INPP5F: variants seen among roughly 807,000 people sequenced by gnomAD.
INPP5F encodes the protein inositol polyphosphate-5-phosphatase F.
A neutral mutation model predicts 137.2 loss-of-function variants in INPP5F; 97 were observed. The observed-to-expected ratio is 0.71, with a 90% CI of 0.60 to 0.84. The LOEUF is 0.84. Among genes scored for constraint, INPP5F ranks in the 40% least tolerant of loss-of-function variants. INPP5F has a pLI of 0.00. For synonymous variants in INPP5F, 504 were observed against 476.9 expected, an observed-to-expected ratio of 1.06 and a Z score of -0.74; for missense variants, 1,271 against 1,371.9, an observed-to-expected ratio of 0.93 and a Z score of 1.16.
chr10:119,799,337 C>T, intron 9 of INPP5F: 1 of 431,946 alleles, frequency 2.3e-6, no homozygotes. Context: ...GAAGAAACAG[C>T]CTAAAATAAC....
At chr10:119,808,400 C>T (rs1167554336) in intron 13 of INPP5F, among the ~76,000 whole-genome samples, 1 of 152,176 alleles carries the variant, frequency 6.6e-6, no homozygotes, top group Non-Finnish European at 1.5e-5. Context: ...TGTCTGCTGG[C>T]AGGTTTTGGC....
chr10:119,766,137 CAGG>C (rs1415571080), intron 2 of INPP5F, among the ~76,000 whole-genome samples: 2 of 152,022 alleles, frequency 1.3e-5, no homozygotes, highest in Admixed American at 6.6e-5. Context: ...TGTCTGCAGG[CAGG>C]AGAAGATGAT....
chr10:119,821,307 A>G (rs1851549980), intron 16 of INPP5F, among the ~76,000 whole-genome samples: 1 of 151,694 alleles, frequency 6.6e-6, no homozygotes, highest in Admixed American at 6.6e-5. Context: ...TTTTGTTACT[A>G]CCAATGATGC....
chr10:119,810,747 G>T (rs529476323), intron 14 of INPP5F, among the ~76,000 whole-genome samples: 2 of 152,294 alleles, frequency 1.3e-5, no homozygotes, highest in South Asian at 4.1e-4. Context: ...TTGCCCAGTA[G>T]AATGTATGCA....
At chr10:119,761,513 T>C (rs1348449339) in intron 2 of INPP5F, among the ~76,000 whole-genome samples, 3 of 152,010 alleles carry the variant, frequency 2.0e-5, no homozygotes, top group Non-Finnish European at 4.4e-5. Context: ...TGTTGTTCCC[T>C]GAAATATAAT....
chr10:119,803,670 T>C (rs909929849), intron 9 of INPP5F, among the ~76,000 whole-genome samples: 5 of 152,234 alleles, frequency 3.3e-5, no homozygotes, highest in African/African-American at 1.2e-4. Context: ...TGAATTTTGA[T>C]TGGGATGGTT....
intron 2 of INPP5F, among the ~76,000 whole-genome samples, chr10:119,751,623 G>T (rs1848692847): frequency 6.6e-6 from 1 of 152,130 alleles, no homozygotes; most frequent in African/African-American, 2.4e-5. Flanking sequence ...TTGATGGGAA[G>T]TCCAGGTCAC....
intron 2 of INPP5F, among the ~76,000 whole-genome samples, chr10:119,771,873 TATATATATA>T (rs1185462093): frequency 0.015 from 275 of 18,730 alleles, 3 homozygotes; most frequent in Non-Finnish European, 0.016. Context: ...TATATATATA[TATATATATA>T]TTTTTTTTTT....
intron 15 of INPP5F, among the ~76,000 whole-genome samples, chr10:119,813,305 T>C (rs1456779057): frequency 6.6e-6 from 1 of 152,194 alleles, no homozygotes; most frequent in Non-Finnish European, 1.5e-5. Flanking sequence ...ATTAGAAGCC[T>C]CTTGCAAAGA....
rs1292461246 is a variant in INPP5F, at chr10:119,748,231, G to C, written c.98-2845G>C. Among the ~76,000 whole-genome samples the C allele has an allele frequency of 6.6e-6, 1 of 152,222 alleles. No homozygotes were observed. The highest frequency in any genetic ancestry group is 1.5e-5 in the Non-Finnish European group (1 of 68,038). ...CTGGCTTTGTGCAAGGCTGTGGCTG[G>C]ACCAGGTGTACCACAAGCAGTTTCT... is the stretch of plus-strand genomic sequence containing the variant. On this transcript the variant is annotated intron_variant, in intron 1 of 19. Transcript: ENST00000650623. The surrounding 1 kb of genome is among the most constrained non-coding windows in gnomAD (Gnocchi z 4.7).
intron 2 of INPP5F, among the ~76,000 whole-genome samples, chr10:119,773,615 C>T (rs1419332466): frequency 3.9e-5 from 6 of 152,120 alleles, no homozygotes; most frequent in Admixed American, 2.6e-4. Flanking sequence ...TTACATAGGT[C>T]GTGTCTGGCT....
At chr10:119,799,371 G>T (rs928340555) in intron 9 of INPP5F, 5 of 406,144 alleles carry the variant, frequency 1.2e-5, no homozygotes, top group African/African-American at 1.1e-4. Flanking sequence ...GCATGTATAT[G>T]GAGGAAAAAA....
intron 15 of INPP5F, among the ~76,000 whole-genome samples, chr10:119,818,426 G>A (rs1851378365): frequency 6.6e-6 from 1 of 152,270 alleles, no homozygotes; most frequent in Admixed American, 6.5e-5. Flanking sequence ...GGCATGCGAT[G>A]GCCTAGGGGC....
chr10:119,754,702 C>G (rs562428711), intron 2 of INPP5F, among the ~76,000 whole-genome samples: 1 of 146,072 alleles, frequency 6.8e-6, no homozygotes, highest in East Asian at 2.3e-4. Context: ...GCTTTTCCCT[C>G]CCTCCCAACC....
intron 2 of INPP5F, among the ~76,000 whole-genome samples, chr10:119,751,874 C>G (rs568334952): frequency 1.1e-4 from 17 of 152,180 alleles, no homozygotes; most frequent in African/African-American, 4.1e-4. Flanking sequence ...CCAGCAGTTC[C>G]CCTGCCCTGG....
Position 119,797,602 on chromosome 10 carries a change from T to C in INPP5F, c.1010T>C (p.Val337Ala), listed in dbSNP as rs200570825. ...TCTGTGCCTGTCTTTTGGAGCCAGGTTGGGTATCGATATAACCCAAGACCG... is the reference window on the plus strand; with the variant it reads ...TCTGTGCCTGTCTTTTGGAGCCAGGCTGGGTATCGATATAACCCAAGACCG... ...RGSVPVFWSQVGYRYNPRPRL... is the reference protein window; with the variant it reads ...RGSVPVFWSQAGYRYNPRPRL... Residue 337 changes from valine to alanine, a missense_variant, in exon 8 of 20, where the codon GTT (valine) becomes GCT (alanine). Physicochemically the swap from Val to Ala is moderately conservative, Grantham distance 64. Coordinates refer to ENST00000650623, the MANE Select transcript of INPP5F (RefSeq NM_014937.4). The C allele has an allele frequency of 1.1e-5, 18 of 1,613,304 alleles. No homozygotes were observed. In the East Asian group the frequency reaches 3.6e-4, roughly 32 times the overall value.
intron 3 of INPP5F, among the ~76,000 whole-genome samples, chr10:119,782,845 G>A (rs1363634726): frequency 2.0e-5 from 3 of 152,110 alleles, no homozygotes; most frequent in African/African-American, 4.8e-5. Flanking sequence ...AGCACACACT[G>A]CCCCACAACT....
intron 2 of INPP5F, among the ~76,000 whole-genome samples, chr10:119,755,336 T>A (rs887366245): frequency 3.9e-5 from 6 of 152,186 alleles, no homozygotes; most frequent in Non-Finnish European, 8.8e-5. Context: ...ATGGCCACCA[T>A]CCCCTTGTGT....
At chr10:119,728,712 TACTC>T (rs1392730343) in intron 1 of INPP5F, among the ~76,000 whole-genome samples, 1 of 152,232 alleles carries the variant, frequency 6.6e-6, no homozygotes, top group African/African-American at 2.4e-5. Context: ...AAGATTAAAA[TACTC>T]ATTTATTTAG....
Sources: allele counts gnomAD v4.1 joint callset (sites outside exome capture counted in the v4.1 genomes callset), GRCh38; gene constraint gnomAD v4.1.1; non-coding constraint Gnocchi (gnomAD v3.1); transcripts MANE v1.5; gene names NCBI Gene and HGNC (gene_info 2026-07-23, HGNC 2026-07-21).